The following BABAM2 variants were observed in gnomAD, a reference collection of about 807,000 sequenced individuals.
BABAM2 encodes BRISC and BRCA1 A complex member 2.
Under a neutral mutation model 54.7 loss-of-function variants are expected in BABAM2, and 31 were observed. The ratio of observed to expected loss-of-function variants is 0.57; its 90% CI spans 0.43 to 0.77. The LOEUF (loss-of-function observed/expected upper bound fraction) is 0.77. Ranked by LOEUF, BABAM2 falls within the 30% of genes least tolerant of loss-of-function variation. The pLI is 0.00. For synonymous variants in BABAM2, 167 were observed against 162.9 expected (o/e 1.03, Z -0.19); for missense variants, 364 against 455.8 (o/e 0.80, Z 1.83).
intron 7 of BABAM2, among the ~76,000 whole-genome samples, chr2:28,130,763 A>C (rs1573642811): frequency 6.6e-6 from 1 of 151,866 alleles, no homozygotes; most frequent in South Asian, 2.1e-4. Context: ...GTTTTGAGAC[A>C]GAGTCTCACT....
At chr2:27,938,430 C>T (rs935379177) in intron 3 of BABAM2, among the ~76,000 whole-genome samples, 3 of 151,580 alleles carry the variant, frequency 2.0e-5, no homozygotes, top group African/African-American at 7.3e-5. Flanking sequence ...CTCGCTCTGT[C>T]CCCCAGGCTA....
At chr2:27,900,965 C>T (rs1427889017) in intron 2 of BABAM2, among the ~76,000 whole-genome samples, 1 of 149,688 alleles carries the variant, frequency 6.7e-6, no homozygotes, top group Non-Finnish European at 1.5e-5. Flanking sequence ...ATGGCGTGAA[C>T]CCGGGAGGTG....
At chr2:28,254,384 G>A (rs1220649230) in intron 10 of BABAM2, among the ~76,000 whole-genome samples, 19 of 151,998 alleles carry the variant, frequency 1.3e-4, no homozygotes, top group Admixed American at 9.2e-4. Flanking sequence ...TGATCCTCCC[G>A]CCTCGATCTC....
chr2:28,151,199 A>G (rs902367359), intron 7 of BABAM2, among the ~76,000 whole-genome samples: 10 of 152,202 alleles, frequency 6.6e-5, no homozygotes. Flanking sequence ...TGCTGACTCA[A>G]GATGATTTTT....
intron 7 of BABAM2, among the ~76,000 whole-genome samples, chr2:28,172,188 A>G (rs1237445739): frequency 1.3e-5 from 2 of 152,052 alleles, no homozygotes; most frequent in Non-Finnish European, 1.5e-5. Context: ...CTGTAGCATC[A>G]TCAGATGTGT....
chr2:28,072,391 C>CTTTT (rs879868312), intron 6 of BABAM2, among the ~76,000 whole-genome samples: 1 of 137,694 alleles, frequency 7.3e-6, no homozygotes, highest in African/African-American at 2.7e-5. Context: ...AGCCTGGATT[C>CTTTT]TTTTTTTTTT....
chr2:27,922,774 G>A (rs1199358100), intron 2 of BABAM2, among the ~76,000 whole-genome samples: 1 of 152,086 alleles, frequency 6.6e-6, no homozygotes, highest in African/African-American at 2.4e-5. Flanking sequence ...AAATATAGTT[G>A]AGAGACAAAT....
At chr2:28,320,398 A>T (rs1189374582) in intron 11 of BABAM2, among the ~76,000 whole-genome samples, 1 of 152,240 alleles carries the variant, frequency 6.6e-6, no homozygotes, top group East Asian at 1.9e-4. Context: ...TGTGACAGGA[A>T]GGTAAAGGAC....
chr2:28,131,017 A>G (rs1473812741), intron 7 of BABAM2, among the ~76,000 whole-genome samples: 1 of 151,632 alleles, frequency 6.6e-6, no homozygotes, highest in African/African-American at 2.4e-5. Flanking sequence ...CTAGGATTAC[A>G]GGCATGAGCC....
intron 7 of BABAM2, among the ~76,000 whole-genome samples, chr2:28,178,939 G>A (rs961762112): frequency 6.6e-6 from 1 of 151,812 alleles, no homozygotes; most frequent in Non-Finnish European, 1.5e-5. Flanking sequence ...GATTGAATCA[G>A]GAAAAAACAG....
intron 2 of BABAM2, among the ~76,000 whole-genome samples, chr2:27,906,617 G>T (rs1332037246): frequency 6.6e-6 from 1 of 152,126 alleles, no homozygotes; most frequent in Non-Finnish European, 1.5e-5. Flanking sequence ...ATAAATTGGG[G>T]TCTGAGATTT....
chr2:28,232,087 C>G (rs893596703), intron 7 of BABAM2, among the ~76,000 whole-genome samples: 1 of 152,082 alleles, frequency 6.6e-6, no homozygotes, highest in Admixed American at 6.6e-5. Context: ...ATTACAGGCC[C>G]AAGCCACTGT....
intron 7 of BABAM2, among the ~76,000 whole-genome samples, chr2:28,210,248 T>G (rs922788110): frequency 2.0e-5 from 3 of 152,204 alleles, no homozygotes; most frequent in African/African-American, 7.2e-5. Context: ...ACCTATTATG[T>G]GCCTGGGATG....
chr2:28,026,916 TA>T (rs1675839274), intron 5 of BABAM2, among the ~76,000 whole-genome samples: 5 of 34,706 alleles, frequency 1.4e-4, no homozygotes, highest in East Asian at 4.4e-4. Context: ...AAATATATAT[TA>T]ATATATATAA....
chr2:27,973,437 T>C lies in BABAM2; in HGVS notation c.206-14556T>C, dbSNP rs540962936. 2.1e-3 allele frequency among the ~76,000 whole-genome samples: 318 copies of C among 152,128 alleles called. 1 individual carries two copies. Among genetic ancestry groups the C allele is most frequent in the African/African-American group, 7.3e-3 (301 of 41,510 alleles). The stretch of plus-strand genomic sequence containing the variant: ...GACTCTTCAGGATGTAATCTTTTTT[T>C]TTTTTTTCCCCACCAACTCTTCTGT... On this transcript the variant is annotated intron_variant, in intron 3 of 11. Coordinates refer to ENST00000379624, the MANE Select transcript of BABAM2 (RefSeq NM_199191.3).
At chr2:28,308,474 C>G (rs1572389343) in intron 11 of BABAM2, 2 of 529,484 alleles carry the variant, frequency 3.8e-6, no homozygotes, top group South Asian at 1.4e-5. Flanking sequence ...TCAAAGCCAA[C>G]AAGCACCAGA....
At chr2:28,034,883 G>C (rs1166122811) in intron 5 of BABAM2, among the ~76,000 whole-genome samples, 1 of 152,128 alleles carries the variant, frequency 6.6e-6, no homozygotes, top group East Asian at 1.9e-4. Flanking sequence ...TAGGTCTTTA[G>C]GTATTTGTGG....
chr2:28,331,227 A>T (rs1690930538), intron 11 of BABAM2, among the ~76,000 whole-genome samples: 1 of 152,218 alleles, frequency 6.6e-6, no homozygotes, highest in Admixed American at 6.5e-5. Flanking sequence ...CCTAGAAGAA[A>T]ATCTAGGCAA....
At chr2:28,197,404 G>T (rs184849887) in intron 7 of BABAM2, among the ~76,000 whole-genome samples, 1 of 152,304 alleles carries the variant, frequency 6.6e-6, no homozygotes, top group East Asian at 1.9e-4. Context: ...TCATAAAACA[G>T]AGGACTTTGT....
Sources: allele counts gnomAD v4.1 joint callset (sites outside exome capture counted in the v4.1 genomes callset), GRCh38; gene constraint gnomAD v4.1.1; transcripts MANE v1.5; gene names NCBI Gene and HGNC (gene_info 2026-07-23, HGNC 2026-07-21).